SHC3: variants seen among roughly 807,000 people sequenced by gnomAD.
The protein encoded by SHC3 is SHC adaptor protein 3, also known as SHC-transforming protein 3.
Under a neutral mutation model 60.4 loss-of-function variants are expected in SHC3, and 15 were observed. The observed-to-expected ratio is 0.25, with a 90% CI of 0.17 to 0.38. The LOEUF (loss-of-function observed/expected upper bound fraction) is 0.38, where lower values mean the gene tolerates loss of function less well. Among genes scored for constraint, SHC3 ranks in the 10% least tolerant of loss-of-function variants. SHC3 has a pLI of 1.00. For missense variants in SHC3, 677 were observed against 786.1 expected (o/e 0.86, Z 1.66); for synonymous variants, 294 against 325.9 (o/e 0.90, Z 1.05).
At chr9:89,176,788 A>G (rs1564200640) in intron 1 of SHC3, among the ~76,000 whole-genome samples, 2 of 152,250 alleles carry the variant, frequency 1.3e-5, no homozygotes, top group African/African-American at 2.4e-5. Context: ...TCTTTTAACA[A>G]CAATGGCCAC....
At position 89,075,005 on chromosome 9, in the gene SHC3, C is replaced by G. The variant is rs1429889674; in HGVS notation, c.729+104G>C. Reference sequence around the variant, plus strand: ...TTCATACTCTAGTAAAAATTTGACACAAAATATGCTATGTGAGCTCAGTAA... The same window carrying G: ...TTCATACTCTAGTAAAAATTTGACAGAAAATATGCTATGTGAGCTCAGTAA... On this transcript the variant is annotated intron_variant, in intron 4 of 11. Coordinates refer to ENST00000375835, the MANE Select transcript of SHC3 (RefSeq NM_016848.6). 2.8e-6 allele frequency: 4 copies of G among 1,436,482 alleles called. No homozygotes were observed. In the African/African-American group the frequency reaches 4.3e-5, roughly 15 times the overall value. The allele number at this position is 1,436,482 out of a possible 1,614,324, so 89.0% of individuals were successfully genotyped here.
chr9:89,149,219 C>T (rs912412748), intron 1 of SHC3, among the ~76,000 whole-genome samples: 6 of 152,162 alleles, frequency 3.9e-5, no homozygotes, highest in African/African-American at 1.4e-4. Flanking sequence ...AAATTTGCAC[C>T]AATTTACACA....
intron 11 of SHC3, among the ~76,000 whole-genome samples, chr9:89,029,461 T>G (rs1043783084): frequency 6.6e-6 from 1 of 152,162 alleles, no homozygotes; most frequent in African/African-American, 2.4e-5. Context: ...CAAAAGTGAC[T>G]GAAAAACATA....
chr9:89,173,771 T>G (rs1174358787), intron 1 of SHC3, among the ~76,000 whole-genome samples: 1 of 152,072 alleles, frequency 6.6e-6, no homozygotes, highest in Non-Finnish European at 1.5e-5. Flanking sequence ...TGTGTGTGCC[T>G]TTAACACATC....
intron 1 of SHC3, among the ~76,000 whole-genome samples, chr9:89,141,790 G>T (rs1185753257): frequency 1.3e-5 from 2 of 152,008 alleles, no homozygotes; most frequent in East Asian, 3.9e-4. Flanking sequence ...TCAACTTGCG[G>T]TCACAGGGCA....
chr9:89,073,470 T>C (rs1202591578), intron 4 of SHC3, among the ~76,000 whole-genome samples: 1 of 152,180 alleles, frequency 6.6e-6, no homozygotes, highest in East Asian at 1.9e-4. Context: ...AGGGAGTGTC[T>C]AGCCAGGCTG....
rs1824696143 is a variant in SHC3, at chr9:89,042,075, A to G, written c.1311T>C (p.Ala437=). 2 of 1,606,932 alleles carry G rather than the reference A, an allele frequency of 1.2e-6. No individual in the cohort carries two copies. Among genetic ancestry groups the G allele is most frequent in the Non-Finnish European group, 1.7e-6 (2 of 1,178,312 alleles). The part of the protein sequence containing the change: ...TQQIPPQAWP[A]AVSSAESSPR... Reference sequence around the variant, plus strand: ...GGCTGCTCTCAGCACTGCTGACCGCAGCCGGCCAGGCCTGTGGTGGGATCT... The same window carrying G: ...GGCTGCTCTCAGCACTGCTGACCGCGGCCGGCCAGGCCTGTGGTGGGATCT... Residue 437 remains alanine, a synonymous_variant, in exon 10 of 12, where the codon GCT becomes GCC. Transcript: ENST00000375835.
chr9:89,089,712 C>T (rs574139914), intron 2 of SHC3, among the ~76,000 whole-genome samples: 6 of 152,366 alleles, frequency 3.9e-5, no homozygotes, highest in African/African-American at 1.4e-4. Flanking sequence ...TTCCAGGCTT[C>T]AGAGCCACTT....
At chr9:89,106,876 A>G (rs1825867384) in intron 2 of SHC3, among the ~76,000 whole-genome samples, 2 of 152,044 alleles carry the variant, frequency 1.3e-5, no homozygotes, top group South Asian at 2.1e-4. Flanking sequence ...TAAACCTACT[A>G]GATGCATTAT....
At chr9:89,121,503 T>C (rs959166988) in intron 1 of SHC3, among the ~76,000 whole-genome samples, 14 of 152,294 alleles carry the variant, frequency 9.2e-5, no homozygotes, top group Admixed American at 8.5e-4. Context: ...TTGGTCAGGC[T>C]GGTCTTAAAC....
At chr9:89,052,853 G>A (rs1230396155) in intron 6 of SHC3, among the ~76,000 whole-genome samples, 1 of 152,214 alleles carries the variant, frequency 6.6e-6, no homozygotes, top group Non-Finnish European at 1.5e-5. Context: ...GTTAGGGGTG[G>A]CGGTAGGCCA....
At chr9:89,177,056 G>C (rs762772686) in intron 1 of SHC3, among the ~76,000 whole-genome samples, 2 of 152,270 alleles carry the variant, frequency 1.3e-5, no homozygotes, top group East Asian at 3.9e-4. Flanking sequence ...GGAGTGGCAG[G>C]ATTGAAATAC....
rs1030474195 is a variant in SHC3 at position 89,083,397 on chromosome 9, C to T, written c.546-5494G>A. On this transcript the variant is annotated intron_variant, in intron 2 of 11. Transcript: ENST00000375835. ...CAGCAGGACAGTGGACGTGCAGGAG[C>T]GCCAGCTGGCTGGGGCCAGGTGTAC... Among the ~76,000 whole-genome samples, 4 of 152,158 alleles carry T rather than the reference C, an allele frequency of 2.6e-5. No individual in the cohort carries two copies. The South Asian group carries it at 6.2e-4, about 24-fold the overall frequency.
At chr9:89,064,806 T>C (rs1009264157) in intron 6 of SHC3, among the ~76,000 whole-genome samples, 18 of 152,184 alleles carry the variant, frequency 1.2e-4, no homozygotes, top group Admixed American at 6.5e-5. Flanking sequence ...AGGGTATGTA[T>C]ACGGATAAGC....
chr9:89,020,208 A>G (rs1826175377), intron 11 of SHC3, among the ~76,000 whole-genome samples: 2 of 151,772 alleles, frequency 1.3e-5, no homozygotes, highest in Admixed American at 1.3e-4. Flanking sequence ...CCAGTGCCCA[A>G]AAGTAAGGAG....
chr9:89,140,335 TC>T (rs34117028), intron 1 of SHC3, among the ~76,000 whole-genome samples: 2,054 of 147,832 alleles, frequency 0.014, 20 homozygotes, highest in South Asian at 0.034. Flanking sequence ...GCAAACAGAT[TC>T]CCCCCCCCAG....
At chr9:89,154,973 T>G (rs1826601071) in intron 1 of SHC3, among the ~76,000 whole-genome samples, 1 of 152,220 alleles carries the variant, frequency 6.6e-6, no homozygotes, top group Non-Finnish European at 1.5e-5. Context: ...CCATCTTCAT[T>G]CCAGTGTACT....
intron 9 of SHC3, among the ~76,000 whole-genome samples, chr9:89,042,739 G>T (rs993457789): frequency 1.3e-5 from 2 of 152,200 alleles, no homozygotes; most frequent in Non-Finnish European, 2.9e-5. Flanking sequence ...CCCAGGGTGG[G>T]TGTGCAAGTG....
intron 1 of SHC3, among the ~76,000 whole-genome samples, chr9:89,170,187 G>A (rs1034370656): frequency 2.6e-5 from 4 of 152,198 alleles, no homozygotes; most frequent in Admixed American, 6.5e-5. Flanking sequence ...TTTGGGATTC[G>A]ACATGGTACA....
Sources: allele counts gnomAD v4.1 joint callset (sites outside exome capture counted in the v4.1 genomes callset), GRCh38; gene constraint gnomAD v4.1.1; transcripts MANE v1.5; gene names NCBI Gene and HGNC (gene_info 2026-07-23, HGNC 2026-07-21).